Variants in ADCY2 observed in about 807,000 individuals in gnomAD.
The protein encoded by ADCY2 is adenylate cyclase 2.
A neutral mutation model predicts 125.2 loss-of-function variants in ADCY2; 31 were observed. The ratio of observed to expected loss-of-function variants is 0.25; its 90% CI spans 0.19 to 0.33. The LOEUF (loss-of-function observed/expected upper bound fraction) is 0.33. Ranked by LOEUF, ADCY2 falls within the 10% of genes least tolerant of loss-of-function variation. The pLI, the probability that ADCY2 is intolerant of heterozygous loss-of-function variation, is 1.00. For synonymous variants in ADCY2, 512 were observed against 548.4 expected, an observed-to-expected ratio of 0.93 and a Z score of 0.93; for missense variants, 904 against 1,418.2, an observed-to-expected ratio of 0.64 and a Z score of 5.82.
chr5:7,561,428 G>T (rs890419170), intron 3 of ADCY2, among the ~76,000 whole-genome samples: 14 of 152,066 alleles, frequency 9.2e-5, no homozygotes, highest in African/African-American at 3.1e-4. Context: ...GTAACACAAT[G>T]GTAAGCGTTT....
intron 3 of ADCY2, among the ~76,000 whole-genome samples, chr5:7,615,777 A>G (rs996412631): frequency 1.3e-5 from 2 of 152,102 alleles, no homozygotes; most frequent in African/African-American, 4.8e-5. Context: ...TGTTGACATC[A>G]TGTCTTTGCA....
chr5:7,773,491 C>T (rs899050466), intron 18 of ADCY2, among the ~76,000 whole-genome samples: 10 of 152,224 alleles, frequency 6.6e-5, no homozygotes, highest in African/African-American at 2.4e-4. Flanking sequence ...CCACTGAATG[C>T]CAGTCAGAGT....
chr5:7,718,215 C>G (rs1401527228), intron 12 of ADCY2, among the ~76,000 whole-genome samples: 1 of 141,748 alleles, frequency 7.1e-6, no homozygotes, highest in Non-Finnish European at 1.5e-5. Flanking sequence ...GTGGCACGAT[C>G]TTGGCTCACT....
In ADCY2 at chr5:7,653,619, AC is replaced by A. The variant is rs200387110; in HGVS notation, c.720+27304del. On this transcript the variant is annotated intron_variant, in intron 4 of 24. Coordinates refer to ENST00000338316, the MANE Select transcript of ADCY2 (RefSeq NM_020546.3). The stretch of plus-strand genomic sequence containing the variant: ...GAGACTCTGTCTTAAAAAAAAAAAA[AC>A]GTGAAGAATTTGTTCTTTTCCTGGC... 2.7e-4 allele frequency among the ~76,000 whole-genome samples: 41 copies of A among 151,836 alleles called. No homozygotes were observed. In the East Asian group the frequency reaches 4.5e-3, roughly 17 times the overall value.
intron 4 of ADCY2, among the ~76,000 whole-genome samples, chr5:7,634,959 G>A (rs1304975993): frequency 6.6e-6 from 1 of 152,168 alleles, no homozygotes; most frequent in East Asian, 1.9e-4. Context: ...TATCTAGGTT[G>A]AAATATGAAT....
chr5:7,465,015 C>T (rs1742053599), intron 2 of ADCY2, among the ~76,000 whole-genome samples: 1 of 152,104 alleles, frequency 6.6e-6, no homozygotes, highest in Non-Finnish European at 1.5e-5. Context: ...GAATGAGCGC[C>T]AAGTGAAAGG....
intron 3 of ADCY2, among the ~76,000 whole-genome samples, chr5:7,564,243 A>G (rs539480761): frequency 2.1e-4 from 32 of 152,308 alleles, no homozygotes; most frequent in Admixed American, 1.0e-3. Context: ...GTGAGCCACC[A>G]TAGCCATGAA....
At position 7,396,437 on chromosome 5, in the gene ADCY2, C is replaced by G; in HGVS notation, c.141C>G (p.Ile47Met). ...YYCMSQQHPL[I>M]VFLLLIVMGS... ...GCATGAGCCAGCAGCACCCGCTCAT[C>G]GTCTTCCTGCTGCTCATCGTCATGG... Residue 47 changes from isoleucine to methionine, a missense_variant, in exon 1 of 25, where the codon ATC becomes ATG. This residue lies in a region of ADCY2 where 113 missense variants were observed against 108.0 expected (regional missense o/e 1.05). Coordinates refer to ENST00000338316, the MANE Select transcript of ADCY2 (RefSeq NM_020546.3). This position sits in a 1 kb window ranked among gnomAD's most constrained non-coding sequence, Gnocchi z 5.7. 6.3e-7 allele frequency: 1 copy of G among 1,579,388 alleles called. No individual in the cohort carries two copies. Among genetic ancestry groups the G allele is most frequent in the Non-Finnish European group, 8.6e-7 (1 of 1,163,264 alleles).
At chr5:7,678,600 A>G (rs1400303482) in intron 4 of ADCY2, among the ~76,000 whole-genome samples, 1 of 152,240 alleles carries the variant, frequency 6.6e-6, no homozygotes, top group East Asian at 1.9e-4. Context: ...CTAATGGAGA[A>G]GACACATAGG....
intron 3 of ADCY2, among the ~76,000 whole-genome samples, chr5:7,551,948 GTAT>G (rs1735357184): frequency 6.6e-6 from 1 of 152,142 alleles, no homozygotes; most frequent in African/African-American, 2.4e-5. Context: ...TGTGGGAAAT[GTAT>G]TATTTGTTCA....
intron 3 of ADCY2, among the ~76,000 whole-genome samples, chr5:7,588,221 A>G (rs1736696629): frequency 6.6e-6 from 1 of 152,186 alleles, no homozygotes; most frequent in Non-Finnish European, 1.5e-5. Flanking sequence ...TTTGGAAAAA[A>G]TTAATGAGAA....
chr5:7,477,878 A>G (rs114426367), intron 2 of ADCY2, among the ~76,000 whole-genome samples: 15 of 152,120 alleles, frequency 9.9e-5, no homozygotes, highest in African/African-American at 3.4e-4. Flanking sequence ...ATTTAATTAC[A>G]TCAGATATAT....
chr5:7,634,283 T>A (rs1738419989), intron 4 of ADCY2, among the ~76,000 whole-genome samples: 2 of 152,232 alleles, frequency 1.3e-5, no homozygotes, highest in Admixed American at 6.5e-5. Flanking sequence ...TCCATTTATA[T>A]CTGTAACAAA....
chr5:7,712,991 T>C (rs549357666), intron 11 of ADCY2, 92 bp downstream of exon 11: 1 of 995,642 alleles, frequency 1.0e-6, no homozygotes, highest in Admixed American at 2.2e-5. Flanking sequence ...TTTCAAGGGC[T>C]ACTTCTGAAA....
chr5:7,808,966 A>C (rs1410046967), intron 22 of ADCY2, among the ~76,000 whole-genome samples: 1 of 152,240 alleles, frequency 6.6e-6, no homozygotes, highest in Non-Finnish European at 1.5e-5. Context: ...GAAACTGCTT[A>C]TTACTTACTA....
intron 15 of ADCY2, among the ~76,000 whole-genome samples, chr5:7,748,519 A>AACAC (rs35989915): frequency 0.085 from 7,680 of 89,906 alleles, 254 homozygotes; most frequent in South Asian, 0.098. Context: ...CCCACCCTCC[A>AACAC]ACACACACAC....
intron 2 of ADCY2, among the ~76,000 whole-genome samples, chr5:7,419,320 A>C (rs1403965814): frequency 6.6e-6 from 1 of 152,096 alleles, no homozygotes; most frequent in Non-Finnish European, 1.5e-5. Flanking sequence ...ACATGGGGAG[A>C]ATACAGATGC....
intron 2 of ADCY2, among the ~76,000 whole-genome samples, chr5:7,435,839 G>A (rs1740779235): frequency 1.3e-5 from 2 of 152,180 alleles, no homozygotes; most frequent in Admixed American, 1.3e-4. Context: ...CATGAACAAA[G>A]TTCTCAGATA....
intron 3 of ADCY2, among the ~76,000 whole-genome samples, chr5:7,563,871 T>G (rs1191324214): frequency 6.6e-6 from 1 of 152,140 alleles, no homozygotes; most frequent in African/African-American, 2.4e-5. Context: ...CCATAAATAT[T>G]GATTGTGTGA....
Sources: allele counts gnomAD v4.1 joint callset (sites outside exome capture counted in the v4.1 genomes callset), GRCh38; gene constraint gnomAD v4.1.1; regional missense constraint gnomAD v4.1.1; non-coding constraint Gnocchi (gnomAD v3.1); transcripts MANE v1.5; gene names NCBI Gene and HGNC (gene_info 2026-07-23, HGNC 2026-07-21).